Variants in EXOC4 observed in about 807,000 individuals in gnomAD.
EXOC4 encodes exocyst complex component 4, also known as SEC8-like 1.
A neutral mutation model predicts 107.2 loss-of-function variants in EXOC4; 71 were observed. That is an observed-to-expected ratio of 0.66 (90% CI 0.55 to 0.81). The LOEUF (loss-of-function observed/expected upper bound fraction) is 0.81. EXOC4 is among the 30% of genes least tolerant of loss of function. The pLI is 0.00. For synonymous variants in EXOC4, 456 were observed against 441.2 expected, an observed-to-expected ratio of 1.03 and a Z score of -0.42; for missense variants, 1,108 against 1,189.6, an observed-to-expected ratio of 0.93 and a Z score of 1.01.
At chr7:133,357,888 G>A (rs1270256399) in intron 6 of EXOC4, among the ~76,000 whole-genome samples, 1 of 152,096 alleles carries the variant, frequency 6.6e-6, no homozygotes, top group Admixed American at 6.6e-5. Flanking sequence ...GCCACAGAAT[G>A]TTTCAAAGTA....
intron 5 of EXOC4, among the ~76,000 whole-genome samples, chr7:133,338,421 G>A (rs563144191): frequency 4.0e-4 from 60 of 148,570 alleles, no homozygotes; most frequent in Non-Finnish European, 6.1e-4. Context: ...GTGAAACCCC[G>A]TCTCTACTAA....
At chr7:134,028,555 T>TACTA (rs1483154659) in intron 17 of EXOC4, among the ~76,000 whole-genome samples, 1 of 152,228 alleles carries the variant, frequency 6.6e-6, no homozygotes, top group African/African-American at 2.4e-5. Context: ...GGCATGGAGT[T>TACTA]ACTAGGTAGC....
intron 11 of EXOC4, among the ~76,000 whole-genome samples, chr7:133,857,606 C>G (rs1435522699): frequency 6.6e-6 from 1 of 151,194 alleles, no homozygotes; most frequent in Non-Finnish European, 1.5e-5. Flanking sequence ...GTGTGCGCCA[C>G]TAAGCATGGG....
intron 11 of EXOC4, among the ~76,000 whole-genome samples, chr7:133,844,122 T>C (rs1042954458): frequency 2.6e-5 from 4 of 152,112 alleles, no homozygotes; most frequent in African/African-American, 4.8e-5. Context: ...GGCCTTAAGT[T>C]TTTTTGTTGT....
At chr7:133,445,043 G>A (rs1243649268) in intron 7 of EXOC4, among the ~76,000 whole-genome samples, 3 of 152,120 alleles carry the variant, frequency 2.0e-5, no homozygotes, top group Non-Finnish European at 4.4e-5. Context: ...ATGATTTTGT[G>A]TGTGTATGTT....
intron 9 of EXOC4, among the ~76,000 whole-genome samples, chr7:133,504,722 AATAG>A (rs1274028419): frequency 1.3e-5 from 2 of 152,144 alleles, no homozygotes; most frequent in Non-Finnish European, 2.9e-5. Flanking sequence ...ATTATATCTG[AATAG>A]ATATTTATTA....
chr7:133,361,348 T>C (rs923817425), intron 6 of EXOC4, among the ~76,000 whole-genome samples: 3 of 152,194 alleles, frequency 2.0e-5, no homozygotes, highest in Admixed American at 6.5e-5. Context: ...TGGTGTGATC[T>C]TGGCTCACTG....
downstream of EXOC4, among the ~76,000 whole-genome samples, chr7:134,069,114 C>T (rs567276273): frequency 5.9e-5 from 9 of 152,292 alleles, no homozygotes; most frequent in African/African-American, 2.2e-4. Context: ...TCTGTGCACT[C>T]TCTTCTGAGC....
intron 10 of EXOC4, among the ~76,000 whole-genome samples, chr7:133,807,860 A>C (rs1231573988): frequency 6.6e-6 from 1 of 152,206 alleles, no homozygotes; most frequent in African/African-American, 2.4e-5. Context: ...ATTTTACCTA[A>C]AGTGCTTTTC....
intron 10 of EXOC4, 154 bp downstream of exon 10, chr7:133,630,295 G>A (rs942941354): frequency 3.5e-6 from 2 of 578,816 alleles, no homozygotes; most frequent in Admixed American, 3.0e-5. Context: ...AGTCAGTTTA[G>A]CAGATAATCT....
intron 7 of EXOC4, among the ~76,000 whole-genome samples, chr7:133,415,549 C>A (rs551005864): frequency 1.1e-4 from 17 of 152,092 alleles, no homozygotes; most frequent in African/African-American, 3.6e-4. Flanking sequence ...TGCACATTGA[C>A]TGTATATAGA....
At chr7:133,961,940 G>A (rs1265077250) in intron 14 of EXOC4, among the ~76,000 whole-genome samples, 1 of 152,160 alleles carries the variant, frequency 6.6e-6, no homozygotes, top group Non-Finnish European at 1.5e-5. Context: ...GCAGCCTATG[G>A]GGGAAGGTGG....
At chr7:133,459,845 A>G (rs1212597633) in intron 7 of EXOC4, among the ~76,000 whole-genome samples, 2 of 152,232 alleles carry the variant, frequency 1.3e-5, no homozygotes, top group Non-Finnish European at 2.9e-5. Flanking sequence ...TACATTGCAT[A>G]TGATTGTGCT....
intron 10 of EXOC4, among the ~76,000 whole-genome samples, chr7:133,667,397 T>A (rs1362369629): frequency 2.6e-5 from 4 of 152,214 alleles, no homozygotes; most frequent in Non-Finnish European, 5.9e-5. Context: ...TGAGTATAGA[T>A]GGCTGTTTTA....
chr7:133,889,490 T>C (rs1205437608), intron 11 of EXOC4, among the ~76,000 whole-genome samples: 2 of 148,224 alleles, frequency 1.3e-5, no homozygotes, highest in African/African-American at 4.9e-5. Flanking sequence ...GTTACATATG[T>C]ATACATGTGC....
chr7:133,429,203 A>T (rs770997325), intron 7 of EXOC4, among the ~76,000 whole-genome samples: 2 of 152,208 alleles, frequency 1.3e-5, no homozygotes, highest in Non-Finnish European at 2.9e-5. Context: ...TGATGGAAAC[A>T]TGACTTTTAA....
intron 17 of EXOC4, among the ~76,000 whole-genome samples, chr7:134,022,081 A>G (rs951390309): frequency 6.6e-6 from 1 of 152,206 alleles, no homozygotes; most frequent in Admixed American, 6.5e-5. Flanking sequence ...TGTGAAAGTA[A>G]TAATAGGTTT....
chr7:133,282,095 C>G (rs540747457), intron 2 of EXOC4, among the ~76,000 whole-genome samples: 126 of 152,312 alleles, frequency 8.3e-4, no homozygotes, highest in Non-Finnish European at 1.3e-3. Context: ...GATCTCTGGT[C>G]TTCCTCTCAC....
intron 3 of EXOC4, among the ~76,000 whole-genome samples, chr7:133,291,976 A>G (rs1230535308): frequency 3.9e-5 from 6 of 152,170 alleles, no homozygotes; most frequent in Non-Finnish European, 7.3e-5. Flanking sequence ...CACCCAAACC[A>G]TGCTGTTTTA....
Sources: allele counts gnomAD v4.1 joint callset (sites outside exome capture counted in the v4.1 genomes callset), GRCh38; gene constraint gnomAD v4.1.1; transcripts MANE v1.5; gene names NCBI Gene and HGNC (gene_info 2026-07-23, HGNC 2026-07-21).